MED13L: variants seen among roughly 807,000 people sequenced by gnomAD.
MED13L encodes the protein mediator complex subunit 13L, also known as mediator of RNA polymerase II transcription subunit 13-like.
Under a neutral mutation model 220.9 loss-of-function variants are expected in MED13L, and 7 were observed. The observed-to-expected ratio is 0.03, with a 90% CI of 0.02 to 0.06. The LOEUF is 0.06. Ranked by LOEUF, MED13L falls within the 10% of genes least tolerant of loss-of-function variation. MED13L has a pLI of 1.00. For synonymous variants in MED13L, 1,011 were observed against 1,015.2 expected, an observed-to-expected ratio of 1.00 and a Z score of 0.08; for missense variants, 1,965 against 2,760.5, an observed-to-expected ratio of 0.71 and a Z score of 6.46.
intron 4 of MED13L, among the ~76,000 whole-genome samples, chr12:116,055,681 G>C (rs921700116): frequency 6.6e-6 from 1 of 152,124 alleles, no homozygotes; most frequent in Non-Finnish European, 1.5e-5. Flanking sequence ...GATCACCTGA[G>C]GTCGGGAGTT....
At chr12:116,071,309 C>T (rs1004848921) in intron 4 of MED13L, among the ~76,000 whole-genome samples, 6 of 152,198 alleles carry the variant, frequency 3.9e-5, no homozygotes, top group Non-Finnish European at 7.4e-5. Flanking sequence ...CTGAAATAAT[C>T]ACTGTCAAGG....
intron 10 of MED13L, chr12:116,007,877 A>C: frequency 1.9e-6 from 1 of 519,720 alleles, no homozygotes; most frequent in Non-Finnish European, 3.4e-6. Context: ...TTCAAATTCC[A>C]TCTGTGTCAT....
At chr12:116,177,524 G>T (rs916604085) in intron 2 of MED13L, among the ~76,000 whole-genome samples, 1 of 152,110 alleles carries the variant, frequency 6.6e-6, no homozygotes, top group African/African-American at 2.4e-5. Context: ...ACATCACTTT[G>T]CCTTAAATCT....
At chr12:116,264,043 G>A (rs1872670463) in intron 1 of MED13L, among the ~76,000 whole-genome samples, 1 of 152,130 alleles carries the variant, frequency 6.6e-6, no homozygotes, top group Non-Finnish European at 1.5e-5. Context: ...CTTTCCCTGG[G>A]CTTTCACTCA....
rs139671128 is a variant in MED13L, at chr12:116,142,667, G to A, written c.311-31155C>T. ...TGCGCCACAGCACTCCAGCCTGGAC[G>A]ACAAGAGTGAGGCCCAGTCTCCAAA... On this transcript the variant is annotated intron_variant, in intron 2 of 30. Transcript: ENST00000281928. Among the ~76,000 whole-genome samples, 989 of 152,060 alleles carry A rather than the reference G, an allele frequency of 6.5e-3. 5 individuals are homozygous for A. Among genetic ancestry groups the A allele is most frequent in the Non-Finnish European group, 0.011 (717 of 67,998 alleles).
At chr12:116,013,826 C>T (rs996018736) in intron 8 of MED13L, among the ~76,000 whole-genome samples, 7 of 152,232 alleles carry the variant, frequency 4.6e-5, no homozygotes, top group African/African-American at 1.7e-4. Flanking sequence ...CTCCCACTCT[C>T]TGCCCTCCAC....
At chr12:116,145,829 C>A (rs928924361) in intron 2 of MED13L, among the ~76,000 whole-genome samples, 2 of 151,928 alleles carry the variant, frequency 1.3e-5, no homozygotes, top group African/African-American at 4.8e-5. Flanking sequence ...CTGTGCCTGG[C>A]CTCAAGCACA....
chr12:116,049,126 C>T (rs1445726707), intron 4 of MED13L, among the ~76,000 whole-genome samples: 1 of 152,154 alleles, frequency 6.6e-6, no homozygotes, highest in African/African-American at 2.4e-5. Flanking sequence ...ATCTCATGTA[C>T]AGAATGTTAC....
intron 1 of MED13L, among the ~76,000 whole-genome samples, chr12:116,274,427 A>AAC: frequency 6.6e-6 from 1 of 151,060 alleles, no homozygotes; most frequent in East Asian, 1.9e-4. Flanking sequence ...AACAAAACAA[A>AAC]AAAAAAAAAA....
chr12:116,273,407 T>C (rs999838935), intron 1 of MED13L, among the ~76,000 whole-genome samples: 3 of 152,148 alleles, frequency 2.0e-5, no homozygotes, highest in Non-Finnish European at 4.4e-5. Flanking sequence ...AAATACCTTG[T>C]GTATTTTGGC....
At chr12:116,117,383 T>C (rs1189862641) in intron 2 of MED13L, among the ~76,000 whole-genome samples, 1 of 152,154 alleles carries the variant, frequency 6.6e-6, no homozygotes, top group Admixed American at 6.5e-5. Context: ...TGCATACATT[T>C]GTGCAAACGC....
intron 26 of MED13L, among the ~76,000 whole-genome samples, chr12:115,971,789 T>A (rs754134571): frequency 6.6e-6 from 1 of 152,208 alleles, no homozygotes; most frequent in Non-Finnish European, 1.5e-5. Context: ...GTGATCTTCA[T>A]ATACTAACAA....
intron 4 of MED13L, among the ~76,000 whole-genome samples, chr12:116,046,852 A>AAGG (rs1881866925): frequency 6.6e-6 from 1 of 152,206 alleles, no homozygotes; most frequent in Admixed American, 6.5e-5. Flanking sequence ...GGGTGCCTGT[A>AAGG]GTCCCAGCTA....
At chr12:115,978,954 T>C (rs895931393) in intron 23 of MED13L, among the ~76,000 whole-genome samples, 10 of 152,280 alleles carry the variant, frequency 6.6e-5, no homozygotes, top group East Asian at 1.9e-4. Flanking sequence ...AGAATGAGAA[T>C]TGCATGGAGG....
Position 115,983,556 on chromosome 12 carries a change from C to T in MED13L, c.4532-16G>A, listed in dbSNP as rs756844911. 9 of 1,613,636 alleles carry T rather than the reference C, an allele frequency of 5.6e-6. No homozygotes were observed. In the Middle Eastern group the frequency reaches 5.1e-4, roughly 91 times the overall value. On this transcript the variant is annotated splice_polypyrimidine_tract_variant and intron_variant, in intron 20 of 30. Transcript: ENST00000281928. ...AAATAAGGTGCTGAAAGAATACATG[C>T]AAAGAGGTGACTTTAGTGATATTCT...
chr12:116,113,631 C>G (rs1247323885), intron 2 of MED13L, among the ~76,000 whole-genome samples: 1 of 148,892 alleles, frequency 6.7e-6, no homozygotes, highest in Non-Finnish European at 1.5e-5. Context: ...TGCACTCCAG[C>G]CTGCGTGACA....
intron 4 of MED13L, among the ~76,000 whole-genome samples, chr12:116,075,852 A>G (rs1870744115): frequency 6.6e-6 from 1 of 151,994 alleles, no homozygotes; most frequent in East Asian, 1.9e-4. Context: ...TCTCAATTGC[A>G]GTTGTGTGAG....
intron 4 of MED13L, among the ~76,000 whole-genome samples, chr12:116,078,586 CA>C (rs1190202718): frequency 1.3e-5 from 2 of 152,126 alleles, no homozygotes; most frequent in African/African-American, 2.4e-5. Flanking sequence ...TACATCCTGC[CA>C]CCCATTTCTT....
chr12:116,036,300 ATG>A (rs1003172331), intron 4 of MED13L, among the ~76,000 whole-genome samples: 42 of 152,346 alleles, frequency 2.8e-4, no homozygotes, highest in Admixed American at 9.8e-4. Context: ...AGAAAATAAT[ATG>A]TGTCTAGCTA....
Sources: gnomAD v4.1 joint callset for allele counts (sites outside exome capture counted in the v4.1 genomes callset) on GRCh38, gnomAD v4.1.1 for gene constraint, MANE v1.5 for transcripts, NCBI Gene and HGNC (gene_info 2026-07-23, HGNC 2026-07-21) for gene names.